The following SH3RF1 variants were observed in gnomAD, a reference collection of about 807,000 sequenced individuals.
The protein encoded by SH3RF1 is E3 ubiquitin-protein ligase SH3RF1.
A neutral mutation model predicts 74.0 loss-of-function variants in SH3RF1; 32 were observed. The ratio of observed to expected loss-of-function variants is 0.43; its 90% CI spans 0.33 to 0.58. The LOEUF is 0.58. SH3RF1 is among the 20% of genes least tolerant of loss of function. The probability of loss-of-function intolerance (pLI) is 0.05; values close to 1 mark genes in which losing one functional copy is unlikely to be tolerated. For synonymous variants in SH3RF1, 396 were observed against 439.6 expected (o/e 0.90, Z 1.24); for missense variants, 954 against 1,130.9 (o/e 0.84, Z 2.24).
rs114486555 is a variant in SH3RF1, at chr4:169,144,153, G to A, written c.766-7533C>T. On this transcript the variant is annotated intron_variant, in intron 4 of 11. Transcript: ENST00000284637. ...GGTAGAAATGGGCATGGGTTAAAGT[G>A]CTCTGTAACATGTAAAGTGCTATAT... 5.0e-3 allele frequency among the ~76,000 whole-genome samples: 757 copies of A among 152,278 alleles called. 5 individuals are homozygous for A. Among genetic ancestry groups the A allele is most frequent in the African/African-American group, 0.017 (692 of 41,552 alleles).
chr4:169,223,065 G>A (rs1329543059), intron 2 of SH3RF1, among the ~76,000 whole-genome samples: 1 of 152,150 alleles, frequency 6.6e-6, no homozygotes, highest in African/African-American at 2.4e-5. Context: ...CTTCCCAAGT[G>A]GCATCAGTCC....
rs72987066 is a variant in SH3RF1 at position 169,261,598 on chromosome 4, C to T, written c.393+7222G>A. On this transcript the variant is annotated intron_variant, in intron 2 of 11. Transcript: ENST00000284637. ...CACTCCAACCTGGGCAGAAGTGAGA[C>T]CATCTCAAAAAAAAAAAAAAGAATG... is the stretch of plus-strand genomic sequence containing the variant. Among the ~76,000 whole-genome samples the T allele has an allele frequency of 3.6e-4, 54 of 149,178 alleles. 1 individual carries two copies. Among genetic ancestry groups the T allele is most frequent in the African/African-American group, 1.2e-3 (50 of 40,298 alleles).
chr4:169,195,833 A>G (rs1040883656), intron 2 of SH3RF1, among the ~76,000 whole-genome samples: 1 of 152,038 alleles, frequency 6.6e-6, no homozygotes, highest in Non-Finnish European at 1.5e-5. Flanking sequence ...AACAGTAAGC[A>G]CAATTATTTT....
chr4:169,094,557 AC>A lies in SH3RF1; in HGVS notation c.*1961del, dbSNP rs1732880323. The A allele has an allele frequency of 6.6e-6, 1 of 152,180 alleles. No homozygotes were observed. The highest frequency in any genetic ancestry group is 2.4e-5 in the African/African-American group (1 of 41,454). 9.4% of individuals were successfully genotyped at this position (152,180 alleles called of 1,614,324 possible). Reference sequence around the variant, plus strand: ...AAAGACAGGTAAAAAAATTATCTTAACCTGTAGTAGTCTTTTTTCTTTTTAA... The same window carrying A: ...AAAGACAGGTAAAAAAATTATCTTAACTGTAGTAGTCTTTTTTCTTTTTAA... On this transcript the variant is annotated 3_prime_UTR_variant, in exon 12 of 12. Transcript: ENST00000284637.
intron 2 of SH3RF1, among the ~76,000 whole-genome samples, chr4:169,260,856 A>T (rs897395188): frequency 1.3e-5 from 2 of 152,242 alleles, no homozygotes; most frequent in African/African-American, 4.8e-5. Context: ...GTAGCTCTAC[A>T]GCCAAACACT....
chr4:169,209,181 C>A (rs942296795), intron 2 of SH3RF1, among the ~76,000 whole-genome samples: 1 of 151,716 alleles, frequency 6.6e-6, no homozygotes, highest in African/African-American at 2.4e-5. Context: ...CCCAGCTACT[C>A]AGGAGGATGA....
intron 2 of SH3RF1, among the ~76,000 whole-genome samples, chr4:169,247,478 T>C (rs183632290): frequency 6.6e-6 from 1 of 152,222 alleles, no homozygotes; most frequent in East Asian, 1.9e-4. Flanking sequence ...AGGTGTGAGC[T>C]AGAGCCTGGA....
intron 2 of SH3RF1, among the ~76,000 whole-genome samples, chr4:169,251,712 C>T (rs868169762): frequency 5.9e-5 from 9 of 152,206 alleles, no homozygotes; most frequent in African/African-American, 1.9e-4. Context: ...AGAGTGACCT[C>T]ACCTATAAGG....
intron 2 of SH3RF1, among the ~76,000 whole-genome samples, chr4:169,241,098 C>T (rs536102847): frequency 8.5e-5 from 13 of 152,184 alleles, no homozygotes; most frequent in East Asian, 1.9e-4. Flanking sequence ...AGCGTGGTGG[C>T]GGGCGCCTGT....
intron 2 of SH3RF1, among the ~76,000 whole-genome samples, chr4:169,187,166 C>G (rs1734619446): frequency 1.3e-5 from 2 of 152,122 alleles, no homozygotes; most frequent in African/African-American, 2.4e-5. Context: ...TTTAAATTAG[C>G]TTGCTTATAT....
At position 169,136,282 on chromosome 4, in the gene SH3RF1, G is replaced by A. The variant is rs773165395; in HGVS notation, c.1068+36C>T. The A allele has an allele frequency of 2.2e-6, 3 of 1,357,376 alleles. No individual in the cohort carries two copies. The Admixed American group carries it at 8.7e-5, about 39-fold the overall frequency. 84.1% of individuals were successfully genotyped at this position (1,357,376 alleles called of 1,614,324 possible). ...TTTGTAAGTTGATCCTTTTGTGGGT[G>A]AGCTCTTTTTATATAACACTTGTTT... On this transcript the variant is annotated intron_variant, in intron 5 of 11. Coordinates refer to ENST00000284637, the MANE Select transcript of SH3RF1 (RefSeq NM_020870.4).
At chr4:169,131,203 T>C (rs759955258) in intron 5 of SH3RF1, among the ~76,000 whole-genome samples, 20 of 152,202 alleles carry the variant, frequency 1.3e-4, no homozygotes, top group Non-Finnish European at 8.8e-5. Context: ...CATCATGGCA[T>C]GTAATTTATT....
chr4:169,192,675 A>G (rs942916542), intron 2 of SH3RF1, among the ~76,000 whole-genome samples: 9 of 152,070 alleles, frequency 5.9e-5, no homozygotes, highest in African/African-American at 1.9e-4. Flanking sequence ...TATGAAAAAG[A>G]TACTTGAACA....
chr4:169,197,265 G>A (rs1734829122), intron 2 of SH3RF1, among the ~76,000 whole-genome samples: 2 of 152,216 alleles, frequency 1.3e-5, no homozygotes, highest in Middle Eastern at 3.4e-3. Flanking sequence ...GCCACCCAAA[G>A]TGCTAGGATT....
chr4:169,190,106 C>T (rs776853881), intron 2 of SH3RF1, among the ~76,000 whole-genome samples: 2 of 152,080 alleles, frequency 1.3e-5, no homozygotes, highest in Non-Finnish European at 2.9e-5. Flanking sequence ...TAGCCCTAAA[C>T]GCCTACATCA....
chr4:169,100,372 G>A (rs966721054), intron 11 of SH3RF1, among the ~76,000 whole-genome samples: 4 of 151,330 alleles, frequency 2.6e-5, no homozygotes, highest in East Asian at 1.9e-4. Context: ...ACTGAGTTTC[G>A]CTCTTGTCAC....
At chr4:169,212,356 G>T (rs1383285933) in intron 2 of SH3RF1, among the ~76,000 whole-genome samples, 1 of 151,996 alleles carries the variant, frequency 6.6e-6, no homozygotes, top group Non-Finnish European at 1.5e-5. Context: ...GAGCCACCGC[G>T]CCTGGACTAT....
In SH3RF1 at chr4:169,269,227, C is replaced by A. The variant is rs1393417021; in HGVS notation, c.-15G>T. 6.5e-7 allele frequency: 1 copy of A among 1,541,422 alleles called. No individual in the cohort carries two copies. The highest frequency in any genetic ancestry group is 8.7e-7 in the Non-Finnish European group (1 of 1,151,634). Reference sequence around the variant, plus strand: ...GATTCATCCATCTTTATCTACTTTACTGAGAAAAAATCTTCAGAAATGTTC... The same window carrying A: ...GATTCATCCATCTTTATCTACTTTAATGAGAAAAAATCTTCAGAAATGTTC... On this transcript the variant is annotated 5_prime_UTR_variant, in exon 2 of 12. Transcript: ENST00000284637.
intron 4 of SH3RF1, among the ~76,000 whole-genome samples, chr4:169,143,709 C>T (rs1207465268): frequency 6.6e-6 from 1 of 152,178 alleles, no homozygotes; most frequent in Non-Finnish European, 1.5e-5. Context: ...CTCACTACAT[C>T]CTGCCAAGGG....
Sources: allele counts gnomAD v4.1 joint callset (sites outside exome capture counted in the v4.1 genomes callset), GRCh38; gene constraint gnomAD v4.1.1; transcripts MANE v1.5; gene names NCBI Gene and HGNC (gene_info 2026-07-23, HGNC 2026-07-21).